Variants in TCF4 observed in about 807,000 individuals in gnomAD.
TCF4 encodes SL3-3 enhancer factor 2.
In TCF4, 3 loss-of-function variants were observed where a neutral mutation model predicts 82.1. The observed-to-expected ratio is 0.04, with a 90% CI of 0.02 to 0.09. TCF4 has a LOEUF of 0.09. Ranked by LOEUF, TCF4 falls within the 10% of genes least tolerant of loss-of-function variation. The pLI is 1.00. For synonymous variants in TCF4, 276 were observed against 309.6 expected (o/e 0.89, Z 1.14); for missense variants, 518 against 852.7 (o/e 0.61, Z 4.89).
chr18:55,433,702 G>A (rs2095260033), intron 5 of TCF4, among the ~76,000 whole-genome samples: 1 of 152,232 alleles, frequency 6.6e-6, no homozygotes, highest in Non-Finnish European at 1.5e-5. Context: ...GGCGGCACAC[G>A]TTTTCAACTT....
chr18:55,371,583 C>G (rs1006503413), intron 6 of TCF4, among the ~76,000 whole-genome samples: 1 of 151,984 alleles, frequency 6.6e-6, no homozygotes. Flanking sequence ...AACCAGGGAC[C>G]AGGAACTTTA....
intron 3 of TCF4, among the ~76,000 whole-genome samples, chr18:55,570,889 CA>C (rs201400921): frequency 0.17 from 11,672 of 67,812 alleles, 636 homozygotes; most frequent in East Asian, 0.5. Flanking sequence ...GACCCTGCCT[CA>C]AAAAAAAAAA....
At chr18:55,295,350 A>T (rs1460739043) in intron 8 of TCF4, among the ~76,000 whole-genome samples, 1 of 152,192 alleles carries the variant, frequency 6.6e-6, no homozygotes, top group African/African-American at 2.4e-5. Context: ...GAGGACGATG[A>T]TGATGACGAT....
At chr18:55,542,307 A>C (rs1381839138) in intron 3 of TCF4, among the ~76,000 whole-genome samples, 1 of 151,998 alleles carries the variant, frequency 6.6e-6, no homozygotes, top group African/African-American at 2.4e-5. Context: ...ATAGAATCTT[A>C]AAAGTTAATT....
At chr18:55,351,682 A>G (rs994541769) in intron 6 of TCF4, 16 of 277,866 alleles carry the variant, frequency 5.8e-5, no homozygotes, top group Non-Finnish European at 7.1e-5. Flanking sequence ...CCTGAACACT[A>G]GAAAACTTCC....
intron 3 of TCF4, among the ~76,000 whole-genome samples, chr18:55,559,668 A>C (rs779614410): frequency 2.6e-5 from 4 of 152,076 alleles, no homozygotes; most frequent in Non-Finnish European, 4.4e-5. Context: ...TTTGGTAGAA[A>C]TCAAATTATA....
chr18:55,350,221 G>C (rs769151630), intron 8 of TCF4, 138 bp downstream of exon 8: 9 of 867,994 alleles, frequency 1.0e-5, no homozygotes, highest in Non-Finnish European at 1.7e-5. Context: ...GGATGTGCAG[G>C]TCATTTCTAC....
intron 3 of TCF4, among the ~76,000 whole-genome samples, chr18:55,559,247 T>C (rs183378083): frequency 6.6e-6 from 1 of 152,086 alleles, no homozygotes; most frequent in East Asian, 1.9e-4. Flanking sequence ...TAATCACTTT[T>C]AGCATATGCC....
chr18:55,574,799 A>C (rs1399752704), intron 3 of TCF4, among the ~76,000 whole-genome samples: 2 of 152,156 alleles, frequency 1.3e-5, no homozygotes, highest in Non-Finnish European at 2.9e-5. Flanking sequence ...AAAAAAAAAA[A>C]CTTTCACTGA....
chr18:55,464,459 G>C (rs1371965495), intron 3 of TCF4, among the ~76,000 whole-genome samples: 3 of 152,154 alleles, frequency 2.0e-5, no homozygotes, highest in African/African-American at 7.2e-5. Context: ...GATAAAATAA[G>C]TTTAAAAATG....
intron 3 of TCF4, among the ~76,000 whole-genome samples, chr18:55,515,877 A>C (rs992197393): frequency 2.0e-5 from 3 of 152,194 alleles, no homozygotes; most frequent in African/African-American, 7.2e-5. Context: ...GATAGGAGAA[A>C]TGAGCATATT....
chr18:55,297,136 TTTTC>T (rs2066714540), intron 8 of TCF4, among the ~76,000 whole-genome samples: 2 of 150,022 alleles, frequency 1.3e-5, no homozygotes, highest in South Asian at 4.2e-4. Context: ...CTGTTGAGTC[TTTTC>T]TTTGAGGTTT....
At chr18:55,457,200 G>A (rs965170365) in intron 5 of TCF4, among the ~76,000 whole-genome samples, 2 of 152,168 alleles carry the variant, frequency 1.3e-5, no homozygotes, top group Admixed American at 1.3e-4. Context: ...CTTGCTTTTT[G>A]TTTCTGTTAG....
At chr18:55,558,574 A>G (rs1262116959) in intron 3 of TCF4, among the ~76,000 whole-genome samples, 3 of 152,236 alleles carry the variant, frequency 2.0e-5, no homozygotes, top group Non-Finnish European at 4.4e-5. Context: ...AATAAAATTA[A>G]CAACACTAGA....
chr18:55,309,789 T>C (rs1242948141), intron 8 of TCF4, among the ~76,000 whole-genome samples: 1 of 152,182 alleles, frequency 6.6e-6, no homozygotes, highest in Non-Finnish European at 1.5e-5. Context: ...TGTTCTACAA[T>C]TATTCAGAGG....
chr18:55,431,468 C>T (rs146205653), intron 5 of TCF4, among the ~76,000 whole-genome samples: 3 of 152,202 alleles, frequency 2.0e-5, no homozygotes, highest in South Asian at 2.1e-4. Context: ...TTAGTAGAGA[C>T]GGGGTTTCAC....
intron 3 of TCF4, among the ~76,000 whole-genome samples, chr18:55,564,574 G>A (rs2097384984): frequency 6.6e-6 from 1 of 152,316 alleles, no homozygotes; most frequent in East Asian, 1.9e-4. Flanking sequence ...TCCGGAACTG[G>A]TTTAATCATC....
At chr18:55,552,990 A>T (rs1260994717) in intron 3 of TCF4, among the ~76,000 whole-genome samples, 2 of 152,222 alleles carry the variant, frequency 1.3e-5, no homozygotes, top group Non-Finnish European at 2.9e-5. Flanking sequence ...CATTATAGGA[A>T]GAACAGAAAC....
At chr18:55,330,176 A>ATTTTTT (rs3077897) in intron 8 of TCF4, among the ~76,000 whole-genome samples, 6 of 110,474 alleles carry the variant, frequency 5.4e-5, no homozygotes, top group Admixed American at 9.7e-5. Flanking sequence ...GCAATGTTGG[A>ATTTTTT]TTTTTTTTTT....
Sources: gnomAD v4.1 joint callset for allele counts (sites outside exome capture counted in the v4.1 genomes callset) on GRCh38, gnomAD v4.1.1 for gene constraint, MANE v1.5 for transcripts, NCBI Gene and HGNC (gene_info 2026-07-23, HGNC 2026-07-21) for gene names.